The following CACNA1I variants were observed in gnomAD, a reference collection of about 807,000 sequenced individuals.
CACNA1I encodes calcium voltage-gated channel subunit alpha1 I, also known as voltage-dependent T-type calcium channel subunit alpha-1I.
Under a neutral mutation model 201.6 loss-of-function variants are expected in CACNA1I, and 74 were observed. The observed-to-expected ratio is 0.37, with a 90% CI of 0.30 to 0.45. The LOEUF is 0.45. CACNA1I is among the 20% of genes least tolerant of loss of function. CACNA1I has a pLI of 1.00. For missense variants in CACNA1I, 2,346 were observed against 3,138.1 expected (o/e 0.75, Z 6.03); for synonymous variants, 1,431 against 1,345.2 (o/e 1.06, Z -1.40).
intron 17 of CACNA1I, 88 bp from the exon 18 acceptor site, chr22:39,662,688 C>A: frequency 3.1e-6 from 3 of 980,144 alleles, no homozygotes; most frequent in Admixed American, 4.0e-5. Context: ...GGTGACCCTG[C>A]GACCCCAGTT....
At chr22:39,592,253 C>T (rs1386934380) in intron 1 of CACNA1I, among the ~76,000 whole-genome samples, 1 of 152,230 alleles carries the variant, frequency 6.6e-6, no homozygotes, top group African/African-American at 2.4e-5. Context: ...GCGCTCAGGG[C>T]TGCCCGTCAG....
intron 27 of CACNA1I, 122 bp from the exon 28 acceptor site, chr22:39,672,827 A>C: frequency 9.2e-7 from 1 of 1,081,644 alleles, no homozygotes; most frequent in South Asian, 1.7e-5. Context: ...GAGGGCAGCC[A>C]CACAGCCTAA....
rs973716985 is a variant in CACNA1I, at chr22:39,685,768, G to A, written c.6035G>A (p.Gly2012Glu). ...VNCTLLRQAT[G>E]SDTSLDASPS... The stretch of plus-strand genomic sequence containing the variant: ...GCTCCCACCTCCCCCCAGGCCACCG[G>A]GAGCGACACGTCGCTGGACGCCAGC... Residue 2012 changes from glycine to glutamate, a missense_variant, in exon 37 of 37, where the codon GGG becomes GAG. This residue lies in a region of CACNA1I where 441 missense variants were observed against 555.6 expected (regional missense o/e 0.79). Transcript: ENST00000402142. The surrounding 1 kb of genome is among the most constrained non-coding windows in gnomAD (Gnocchi z 5.0). The A allele has an allele frequency of 1.3e-6, 2 of 1,486,862 alleles. No individual in the cohort carries two copies. Among genetic ancestry groups the A allele is most frequent in the Admixed American group, 2.2e-5 (1 of 45,638 alleles). The allele number at this position is 1,486,862 out of a possible 1,614,324, so 92.1% of individuals were successfully genotyped here.
rs58964278 is a variant in CACNA1I at position 39,644,068 on chromosome 22, G to C, written c.1149+1179G>C. ...GGATGGGGAGGTGGGAGGCTTCCTG[G>C]AGGAGGTGATGCCAGAATTGAGCCT... On this transcript the variant is annotated intron_variant, in intron 7 of 36. Coordinates refer to ENST00000402142, the MANE Select transcript of CACNA1I (RefSeq NM_021096.4). Among the ~76,000 whole-genome samples the C allele has an allele frequency of 1.5e-3, 223 of 152,318 alleles. 2 individuals carry two copies. The East Asian group carries it at 0.035, about 24-fold the overall frequency.
chr22:39,645,751 G>C (rs1404127500), intron 7 of CACNA1I, among the ~76,000 whole-genome samples: 1 of 152,226 alleles, frequency 6.6e-6, no homozygotes, highest in African/African-American at 2.4e-5. Flanking sequence ...CAAATGCTGG[G>C]GAGGGGGCTG....
Position 39,686,300 on chromosome 22 carries a change from C to G in CACNA1I, c.6567C>G (p.Pro2189=). 1 of 1,325,726 alleles carries G rather than the reference C, an allele frequency of 7.5e-7. No homozygotes were observed. Among genetic ancestry groups the G allele is most frequent in the South Asian group, 1.9e-5 (1 of 54,032 alleles). 82.1% of individuals were successfully genotyped at this position (1,325,726 alleles called of 1,614,324 possible). ...SWAADRSKDP[P]GRAPLPMGLG... is the part of the protein sequence containing the mutation. ...CCGCGGACCGCAGCAAGGACCCCCC[C>G]GGCCGGGCACCGCTGCCCATGGGCC... Residue 2189 remains proline, a synonymous_variant, in exon 37 of 37, where the codon CCC becomes CCG. Transcript: ENST00000402142.
At chr22:39,638,336 A>T (rs1934269946) in intron 5 of CACNA1I, among the ~76,000 whole-genome samples, 1 of 152,202 alleles carries the variant, frequency 6.6e-6, no homozygotes, top group African/African-American at 2.4e-5. Flanking sequence ...ACTGAATTGC[A>T]GGGGTGCCTG....
chr22:39,580,490 A>G (rs1386392518), intron 1 of CACNA1I, among the ~76,000 whole-genome samples: 1 of 152,100 alleles, frequency 6.6e-6, no homozygotes, highest in East Asian at 1.9e-4. Context: ...CCCTGATCCA[A>G]CCTGGGGGCA....
Position 39,647,917 on chromosome 22 carries a change from T to A in CACNA1I, c.1558T>A (p.Ser520Thr). Residue 520 changes from serine to threonine, a missense_variant, in exon 9 of 37, where the codon TCG (serine) becomes ACG (threonine). By Grantham distance (58) the Ser-to-Thr change is moderately conservative. Coordinates refer to ENST00000402142, the MANE Select transcript of CACNA1I (RefSeq NM_021096.4). ...HGPASPGNDH[S>T]GRELCPQHSP... ...GCCTGCCTCCCCTGGAAATGATCACTCGGGAAGAGGCAAGCCAGGGCCACG... is the reference window on the plus strand; with the variant it reads ...GCCTGCCTCCCCTGGAAATGATCACACGGGAAGAGGCAAGCCAGGGCCACG... 1 of 1,613,228 alleles carries A rather than the reference T, an allele frequency of 6.2e-7. No homozygotes were observed. Among genetic ancestry groups the A allele is most frequent in the African/African-American group, 1.3e-5 (1 of 74,988 alleles).
chr22:39,652,062 C>G (rs1230616413), intron 10 of CACNA1I, among the ~76,000 whole-genome samples: 1 of 147,308 alleles, frequency 6.8e-6, no homozygotes, highest in African/African-American at 2.5e-5. Flanking sequence ...GAGATGGAGT[C>G]TCACTCTGTT....
At chr22:39,627,362 G>A (rs1025222241) in intron 4 of CACNA1I, among the ~76,000 whole-genome samples, 9 of 152,260 alleles carry the variant, frequency 5.9e-5, no homozygotes, top group African/African-American at 2.2e-4. Flanking sequence ...CCAGGGCAGA[G>A]GAGGGAGAGC....
chr22:39,684,897 A>C lies in CACNA1I; in HGVS notation c.6027+399A>C. The C allele has an allele frequency of 9.9e-6, 3 of 303,340 alleles. No individual in the cohort carries two copies. Among genetic ancestry groups the C allele is most frequent in the East Asian group, 6.6e-5 (1 of 15,152 alleles). The allele number at this position is 303,340 out of a possible 1,614,324, so 18.8% of individuals were successfully genotyped here. On this transcript the variant is annotated intron_variant, in intron 36 of 36. Coordinates refer to ENST00000402142, the MANE Select transcript of CACNA1I (RefSeq NM_021096.4). The surrounding 1 kb of genome is among the most constrained non-coding windows in gnomAD (Gnocchi z 4.6). The stretch of plus-strand genomic sequence containing the variant: ...GTGGGGGCTTGATTACTAGGAATGG[A>C]GGTGGGAGGGCGGGTCTGGTGGATG...
chr22:39,584,049 A>C (rs1932666037), intron 1 of CACNA1I, among the ~76,000 whole-genome samples: 1 of 152,254 alleles, frequency 6.6e-6, no homozygotes, highest in Non-Finnish European at 1.5e-5. Flanking sequence ...GAAAGAAGGC[A>C]GTGGGGAGCC....
chr22:39,590,734 TTCCTTTCCTGTG>T (rs1932811103), intron 1 of CACNA1I, among the ~76,000 whole-genome samples: 1 of 152,244 alleles, frequency 6.6e-6, no homozygotes. Flanking sequence ...TGGCCTTAGT[TTCCTTTCCTGTG>T]AAGTGGGGAT....
intron 18 of CACNA1I, among the ~76,000 whole-genome samples, 169 bp from the exon 19 acceptor site, chr22:39,663,549 C>A (rs1393540473): frequency 3.9e-5 from 6 of 152,278 alleles, no homozygotes; most frequent in African/African-American, 1.4e-4. Context: ...GAGGCAGCGC[C>A]AGGTGGGCAC....
intron 5 of CACNA1I, among the ~76,000 whole-genome samples, chr22:39,635,516 G>A (rs2146413591): frequency 6.6e-6 from 1 of 152,316 alleles, no homozygotes; most frequent in East Asian, 1.9e-4. Flanking sequence ...CCTGGTTGGG[G>A]AGAGGGTAGC....
At position 39,619,417 on chromosome 22, in the gene CACNA1I, C is replaced by A; in HGVS notation, c.580+10C>A. 6.3e-7 allele frequency: 1 copy of A among 1,596,932 alleles called. No individual in the cohort carries two copies. Among genetic ancestry groups the A allele is most frequent in the Non-Finnish European group, 8.5e-7 (1 of 1,171,850 alleles). Reference sequence around the variant, plus strand: ...ATCAACCGCGTGCCCAGTGAGTCAGCCCCGCCCTGTCCACACATTCCTGGC... The same window carrying A: ...ATCAACCGCGTGCCCAGTGAGTCAGACCCGCCCTGTCCACACATTCCTGGC... On this transcript the variant is annotated intron_variant, in intron 4 of 36. Coordinates refer to ENST00000402142, the MANE Select transcript of CACNA1I (RefSeq NM_021096.4).
At position 39,662,766 on chromosome 22, in the gene CACNA1I, C is replaced by T. The variant is rs745406329; in HGVS notation, c.3373-10C>T. On this transcript the variant is annotated splice_polypyrimidine_tract_variant and intron_variant, in intron 17 of 36. Transcript: ENST00000402142. Reference sequence around the variant, plus strand: ...CGCTGACCCCCGGCGCTCCGTCCTCCTCTTGCTAGACCCTGTGCTTCCGCG... The same window carrying T: ...CGCTGACCCCCGGCGCTCCGTCCTCTTCTTGCTAGACCCTGTGCTTCCGCG... The T allele has an allele frequency of 3.4e-5, 53 of 1,560,856 alleles. No individual in the cohort carries two copies. In the South Asian group the frequency reaches 4.8e-4, roughly 14 times the overall value.
intron 1 of CACNA1I, among the ~76,000 whole-genome samples, chr22:39,593,161 T>C (rs1932841860): frequency 6.6e-6 from 1 of 152,210 alleles, no homozygotes. Flanking sequence ...GCGAGTTAGA[T>C]GGGCCACAGA....
Sources: allele counts gnomAD v4.1 joint callset (sites outside exome capture counted in the v4.1 genomes callset), GRCh38; gene constraint gnomAD v4.1.1; regional missense constraint gnomAD v4.1.1; non-coding constraint Gnocchi (gnomAD v3.1); transcripts MANE v1.5; gene names NCBI Gene and HGNC (gene_info 2026-07-23, HGNC 2026-07-21).